The following CDC42BPB variants were observed in gnomAD, a reference collection of about 807,000 sequenced individuals.
The protein encoded by CDC42BPB is serine/threonine-protein kinase MRCK beta.
Under a neutral mutation model 214.9 loss-of-function variants are expected in CDC42BPB, and 37 were observed. The observed-to-expected ratio is 0.17, with a 90% CI of 0.13 to 0.23. CDC42BPB has a LOEUF of 0.23. Among genes scored for constraint, CDC42BPB ranks in the 10% least tolerant of loss-of-function variants. The probability of loss-of-function intolerance (pLI) is 1.00; values close to 1 mark genes in which losing one functional copy is unlikely to be tolerated. For missense variants in CDC42BPB, 1,694 were observed against 2,227.0 expected, an observed-to-expected ratio of 0.76 and a Z score of 4.82; for synonymous variants, 931 against 884.0, an observed-to-expected ratio of 1.05 and a Z score of -0.94.
In CDC42BPB at chr14:102,938,167, C is replaced by T. The variant is rs760522333; in HGVS notation, c.4941G>A (p.Ser1647=). The T allele has an allele frequency of 2.0e-4, 325 of 1,613,442 alleles. No homozygotes were observed. The highest frequency in any genetic ancestry group is 2.6e-4 in the Non-Finnish European group (307 of 1,179,868). Residue 1647 remains serine (S), a synonymous_variant, in exon 36 of 37, where the codon TCG becomes TCA. Transcript: ENST00000361246. ...PYISWPSSGG[S]EPSVTVPLRS... ...TCAGAGGCACAGTCACGCTAGGCTC[C>T]GATCCACCTACAGAACAAGGACAGC...
At chr14:102,941,081 A>C in intron 30 of CDC42BPB, 1 of 971,994 alleles carries the variant, frequency 1.0e-6, no homozygotes, top group Non-Finnish European at 1.2e-6. Context: ...GCAGTGACAC[A>C]GCTGTGCCAC....
In CDC42BPB at chr14:102,945,680, T is replaced by C; in HGVS notation, c.3793A>G (p.Ile1265Val). Reference protein sequence around the residue: ...AVGLEEGLYVIEVTRDVIVRA... With the variant: ...AVGLEEGLYVVEVTRDVIVRA... ...CACTCACCATCTCGGGTGACCTCTA[T>C]GACATAGAGCCCTTCTTCTAGGCCG... Residue 1265 changes from isoleucine (I) to valine (V), a missense_variant, in exon 29 of 37, where the codon ATA becomes GTA. This residue lies in a region of CDC42BPB where 567 missense variants were observed against 790.3 expected (regional missense o/e 0.72). Coordinates refer to ENST00000361246, the MANE Select transcript of CDC42BPB (RefSeq NM_006035.4). 6.2e-7 allele frequency: 1 copy of C among 1,612,842 alleles called. No individual in the cohort carries two copies. Among genetic ancestry groups the C allele is most frequent in the Non-Finnish European group, 8.5e-7 (1 of 1,179,840 alleles).
chr14:103,046,360 CTT>C (rs1332045254), intron 1 of CDC42BPB, among the ~76,000 whole-genome samples: 1 of 152,122 alleles, frequency 6.6e-6, no homozygotes, highest in Non-Finnish European at 1.5e-5. Flanking sequence ...AGACTCAACA[CTT>C]AAAGTCGGCC....
intron 5 of CDC42BPB, among the ~76,000 whole-genome samples, chr14:102,994,433 G>A (rs1352328518): frequency 6.6e-6 from 1 of 152,080 alleles, no homozygotes; most frequent in Admixed American, 6.5e-5. Flanking sequence ...GAAGAGCACT[G>A]GAGGTTCAGG....
chr14:103,010,129 T>TA (rs1316259991), intron 2 of CDC42BPB, among the ~76,000 whole-genome samples: 7 of 151,680 alleles, frequency 4.6e-5, no homozygotes, highest in African/African-American at 9.7e-5. Context: ...CTACAAATAA[T>TA]AAAAAAAATT....
Position 103,003,352 on chromosome 14 carries a change from C to T in CDC42BPB, c.447+576G>A, listed in dbSNP as rs1895078569. Among the ~76,000 whole-genome samples, 7 of 152,342 alleles carry T rather than the reference C, an allele frequency of 4.6e-5. No individual in the cohort carries two copies. In the South Asian group the frequency reaches 1.0e-3, roughly 23 times the overall value. ...CGCCAAGTCAGCTGCCTTAGAGTGC[C>T]GTGGAGGCGAACACGCTTGACAATG... On this transcript the variant is annotated intron_variant, in intron 4 of 36. Coordinates refer to ENST00000361246, the MANE Select transcript of CDC42BPB (RefSeq NM_006035.4).
At chr14:102,946,033 G>A (rs1284538387) in intron 28 of CDC42BPB, among the ~76,000 whole-genome samples, 1 of 152,068 alleles carries the variant, frequency 6.6e-6, no homozygotes, top group Non-Finnish European at 1.5e-5. Context: ...TTTTGAGACG[G>A]AGTCTCGGTC....
Position 103,057,124 on chromosome 14 carries a change from C to T in CDC42BPB, c.50G>A (p.Gly17Glu). Residue 17 changes from glycine to glutamate, a missense_variant, in exon 1 of 37, where the codon GGG (glycine) becomes GAG (glutamate). By Grantham distance (98) the Gly-to-Glu change is moderately conservative. Coordinates refer to ENST00000361246, the MANE Select transcript of CDC42BPB (RefSeq NM_006035.4). Reference sequence around the variant, plus strand: ...CAGGGCGCTCTCGTTGCGCCAGGGCCCGTCCAGGAGCAGCTGCTCCAGCTT... The same window carrying T: ...CAGGGCGCTCTCGTTGCGCCAGGGCTCGTCCAGGAGCAGCTGCTCCAGCTT... ...LKKLEQLLLD[G>E]PWRNESALSV... 1.3e-6 allele frequency: 2 copies of T among 1,517,834 alleles called. No individual in the cohort carries two copies. The highest frequency in any genetic ancestry group is 1.8e-6 in the Non-Finnish European group (2 of 1,138,654). The allele number at this position is 1,517,834 out of a possible 1,614,324, so 94.0% of individuals were successfully genotyped here.
intron 26 of CDC42BPB, among the ~76,000 whole-genome samples, chr14:102,949,470 T>C (rs572984886): frequency 6.6e-6 from 1 of 151,934 alleles, no homozygotes; most frequent in Non-Finnish European, 1.5e-5. Flanking sequence ...GGGCATGTGG[T>C]TTTCTTATGT....
At chr14:103,033,750 C>T (rs1887518787) in intron 1 of CDC42BPB, among the ~76,000 whole-genome samples, 1 of 152,120 alleles carries the variant, frequency 6.6e-6, no homozygotes, top group African/African-American at 2.4e-5. Flanking sequence ...CATGGGATAC[C>T]AGCTAGAAGT....
intron 3 of CDC42BPB, among the ~76,000 whole-genome samples, chr14:103,006,916 C>G (rs964150015): frequency 6.6e-6 from 1 of 152,162 alleles, no homozygotes; most frequent in Non-Finnish European, 1.5e-5. Flanking sequence ...CCTGATACCT[C>G]TCTACACTTT....
intron 23 of CDC42BPB, among the ~76,000 whole-genome samples, chr14:102,953,614 C>T (rs1233720863): frequency 6.6e-6 from 1 of 152,212 alleles, no homozygotes; most frequent in Non-Finnish European, 1.5e-5. Context: ...AGGGGCCCGT[C>T]ACCCTGGAGA....
intron 9 of CDC42BPB, among the ~76,000 whole-genome samples, chr14:102,977,193 G>A (rs1351991531): frequency 6.6e-6 from 1 of 151,990 alleles, no homozygotes; most frequent in African/African-American, 2.4e-5. Flanking sequence ...AAAAAAATTA[G>A]TCGGGCGTGG....
At chr14:102,989,810 G>A (rs1360909680) in intron 5 of CDC42BPB, among the ~76,000 whole-genome samples, 2 of 150,762 alleles carry the variant, frequency 1.3e-5, no homozygotes, top group East Asian at 2.0e-4. Context: ...AGTGAGCCGA[G>A]ATCGCACCAC....
chr14:102,955,504 C>CA (rs1170642165), intron 21 of CDC42BPB, among the ~76,000 whole-genome samples: 4 of 152,220 alleles, frequency 2.6e-5, no homozygotes, highest in African/African-American at 9.7e-5. Flanking sequence ...CGAACATCAA[C>CA]AGAGGTCGGT....
In CDC42BPB at chr14:102,933,648, C is replaced by T. The variant is rs10139783; in HGVS notation, c.*64G>A. The T allele has an allele frequency of 3.1e-6, 4 of 1,299,694 alleles. No homozygotes were observed. Among genetic ancestry groups the T allele is most frequent in the African/African-American group, 3.1e-5 (2 of 64,466 alleles). 80.5% of individuals were successfully genotyped at this position (1,299,694 alleles called of 1,614,324 possible). The stretch of plus-strand genomic sequence containing the variant: ...CTTGGACAACACTGGAGGGCCCGCT[C>T]AGTCTTGGCACTGACGCTGGAGGCC... On this transcript the variant is annotated 3_prime_UTR_variant, in exon 37 of 37. Transcript: ENST00000361246.
chr14:102,954,700 A>C lies in CDC42BPB; in HGVS notation c.2902-12T>G. The C allele has an allele frequency of 6.2e-7, 1 of 1,610,892 alleles. No homozygotes were observed. ...CTAGCTGAGCTGGTCTGTGAGAACC[A>C]AGAAAGAAAGAGTGGGGTGAAAGGA... On this transcript the variant is annotated splice_polypyrimidine_tract_variant and intron_variant, in intron 21 of 36. Coordinates refer to ENST00000361246, the MANE Select transcript of CDC42BPB (RefSeq NM_006035.4).
In CDC42BPB at chr14:102,954,218, G is replaced by A. The variant is rs886912968; in HGVS notation, c.3046C>T (p.Leu1016=). The A allele has an allele frequency of 2.5e-5, 39 of 1,548,144 alleles. No individual in the cohort carries two copies. The highest frequency in any genetic ancestry group is 3.4e-5 in the Non-Finnish European group (39 of 1,146,394). The change falls in exon 23 of 37, where the codon CTG becomes TTG. Residue 1016 remains leucine (L), a synonymous_variant. Transcript: ENST00000361246. ...CCTACCTTCGGTCCAGCCAGAGCCA[G>A]GGCCTGCGTGGTGGGCAACGGCACA... ...SAVPLPTTQA[L]ALAGPKPKAH...
intron 1 of CDC42BPB, among the ~76,000 whole-genome samples, chr14:103,053,575 CA>C (rs1220231681): frequency 6.6e-6 from 1 of 151,352 alleles, no homozygotes; most frequent in East Asian, 2.0e-4. Context: ...TCCTGGCTAA[CA>C]CGGTGAAACC....
Sources: allele counts gnomAD v4.1 joint callset (sites outside exome capture counted in the v4.1 genomes callset), GRCh38; gene constraint gnomAD v4.1.1; regional missense constraint gnomAD v4.1.1; transcripts MANE v1.5; gene names NCBI Gene and HGNC (gene_info 2026-07-23, HGNC 2026-07-21).